Variants in KHDRBS2 observed in about 807,000 individuals in gnomAD.
KHDRBS2 encodes the protein KH RNA binding domain containing, signal transduction associated 2.
In KHDRBS2, 26 loss-of-function variants were observed where a neutral mutation model predicts 44.3. The ratio of observed to expected loss-of-function variants is 0.59; its 90% CI spans 0.43 to 0.81. The LOEUF (loss-of-function observed/expected upper bound fraction) is 0.81, where lower values mean the gene tolerates loss of function less well. Among genes scored for constraint, KHDRBS2 ranks in the 40% least tolerant of loss-of-function variants. KHDRBS2 has a pLI of 0.00. For synonymous variants in KHDRBS2, 194 were observed against 151.1 expected, an observed-to-expected ratio of 1.28 and a Z score of -2.08; for missense variants, 476 against 433.1, an observed-to-expected ratio of 1.10 and a Z score of -0.88.
the KHDRBS2 span, among the ~76,000 whole-genome samples, chr6:61,577,565 A>G: frequency 6.6e-6 from 1 of 152,184 alleles, no homozygotes; most frequent in East Asian, 1.9e-4. Flanking sequence ...ATAGGATGAT[A>G]TGAATATTTT....
At chr6:61,973,296 C>A (rs1771821101) in intron 4 of KHDRBS2, among the ~76,000 whole-genome samples, 1 of 152,056 alleles carries the variant, frequency 6.6e-6, no homozygotes, top group African/African-American at 2.4e-5. Context: ...AATTCTGCTT[C>A]CCTTTTCTAT....
chr6:61,950,601 A>G (rs1516721), intron 4 of KHDRBS2, among the ~76,000 whole-genome samples: 51,987 of 151,768 alleles, frequency 0.34, 9,070 homozygotes, highest in Middle Eastern at 0.41. Flanking sequence ...ATTTATTTCA[A>G]CTATGCTAGT....
chr6:61,697,187 G>T lies in KHDRBS2; in HGVS notation c.952+8C>A, dbSNP rs200008514. 3.8e-6 allele frequency: 6 copies of T among 1,579,452 alleles called. No individual in the cohort carries two copies. The highest frequency in any genetic ancestry group is 1.7e-4 in the Middle Eastern group (1 of 6,000). On this transcript the variant is annotated splice_region_variant and intron_variant, in intron 8 of 8. Coordinates refer to ENST00000281156, the MANE Select transcript of KHDRBS2 (RefSeq NM_152688.4). ...GATTTCACAGTTTTAGTAAAGAAAAGGTCTTACCGTAGCTGTCATAGGCAT... is the reference window on the plus strand; with the variant it reads ...GATTTCACAGTTTTAGTAAAGAAAATGTCTTACCGTAGCTGTCATAGGCAT...
At chr6:62,068,620 T>C (rs79082422) in intron 2 of KHDRBS2, among the ~76,000 whole-genome samples, 1 of 151,614 alleles carries the variant, frequency 6.6e-6, no homozygotes, top group African/African-American at 2.4e-5. Flanking sequence ...AAGAATCATA[T>C]AGTTTTAACT....
chr6:61,630,497 A>G, the KHDRBS2 span: 2 of 152,220 alleles, frequency 1.3e-5, no homozygotes, highest in Non-Finnish European at 2.9e-5. Context: ...TTTGGAGGAA[A>G]GTATCTGCAA....
chr6:62,077,506 G>C (rs1404484833), intron 2 of KHDRBS2, among the ~76,000 whole-genome samples: 1 of 152,022 alleles, frequency 6.6e-6, no homozygotes, highest in Non-Finnish European at 1.5e-5. Context: ...CTGGGATCTT[G>C]AATGAGGCAA....
intron 4 of KHDRBS2, among the ~76,000 whole-genome samples, chr6:61,935,449 G>A (rs1475288944): frequency 6.6e-6 from 1 of 152,096 alleles, no homozygotes; most frequent in Non-Finnish European, 1.5e-5. Context: ...GAAAGCCCAC[G>A]TTATTCTTCA....
At chr6:62,132,087 C>T (rs1227987178) in intron 2 of KHDRBS2, among the ~76,000 whole-genome samples, 2 of 152,096 alleles carry the variant, frequency 1.3e-5, no homozygotes, top group African/African-American at 4.8e-5. Flanking sequence ...AATTTTTTCA[C>T]ATTACTAAGT....
intron 2 of KHDRBS2, among the ~76,000 whole-genome samples, chr6:62,081,425 T>C (rs1229739159): frequency 6.6e-6 from 1 of 152,152 alleles, no homozygotes; most frequent in Non-Finnish European, 1.5e-5. Flanking sequence ...ATTTCTTGAG[T>C]ATTAAAGTTG....
intron 3 of KHDRBS2, among the ~76,000 whole-genome samples, chr6:62,045,459 C>A (rs528558568): frequency 3.3e-5 from 5 of 152,086 alleles, no homozygotes; most frequent in African/African-American, 7.2e-5. Context: ...ACACCACTAA[C>A]CTCTTTTCCC....
At chr6:61,770,335 G>C (rs1362837275) in intron 6 of KHDRBS2, among the ~76,000 whole-genome samples, 1 of 152,176 alleles carries the variant, frequency 6.6e-6, no homozygotes. Context: ...AGCTGGATGG[G>C]GAATGACTTT....
chr6:61,678,348 G>A (rs1582121531), downstream of KHDRBS2, among the ~76,000 whole-genome samples: 2 of 151,914 alleles, frequency 1.3e-5, no homozygotes, highest in Admixed American at 6.6e-5. Flanking sequence ...ATTTTACTCC[G>A]TAACTATCTG....
chr6:61,552,862 T>A, the KHDRBS2 span, among the ~76,000 whole-genome samples: 128 of 152,306 alleles, frequency 8.4e-4, 1 homozygote, highest in Non-Finnish European at 1.6e-3. Context: ...TTGGTCATGG[T>A]GGATTAGCTT....
chr6:61,946,783 A>T (rs1813453304), intron 4 of KHDRBS2, among the ~76,000 whole-genome samples: 1 of 152,154 alleles, frequency 6.6e-6, no homozygotes, highest in Non-Finnish European at 1.5e-5. Flanking sequence ...ACTGCCAAGG[A>T]TGTTGATCTG....
At chr6:62,261,361 G>A (rs1234815571) in intron 1 of KHDRBS2, among the ~76,000 whole-genome samples, 1 of 151,792 alleles carries the variant, frequency 6.6e-6, no homozygotes, top group African/African-American at 2.4e-5. Context: ...ATCATTAGCA[G>A]TGTTTTTAAT....
chr6:62,271,811 C>T (rs953949771), intron 1 of KHDRBS2, among the ~76,000 whole-genome samples: 12 of 151,732 alleles, frequency 7.9e-5, no homozygotes, highest in African/African-American at 2.9e-4. Flanking sequence ...TAGCTAATTG[C>T]AAAAAGTCAA....
intron 2 of KHDRBS2, among the ~76,000 whole-genome samples, chr6:62,144,458 A>C (rs1813509252): frequency 6.6e-6 from 1 of 152,010 alleles, no homozygotes; most frequent in East Asian, 1.9e-4. Context: ...TTCCTCAACA[A>C]ACATTGACAG....
At chr6:62,070,870 G>T (rs1438121020) in intron 2 of KHDRBS2, among the ~76,000 whole-genome samples, 1 of 152,138 alleles carries the variant, frequency 6.6e-6, no homozygotes, top group African/African-American at 2.4e-5. Context: ...TGGGATGGCT[G>T]GGTCAAATGG....
chr6:61,577,687 C>T, the KHDRBS2 span, among the ~76,000 whole-genome samples: 2 of 152,002 alleles, frequency 1.3e-5, no homozygotes, highest in East Asian at 1.9e-4. Context: ...CTGAAATGTT[C>T]TTTATACAAT....
Sources: allele counts gnomAD v4.1 joint callset (sites outside exome capture counted in the v4.1 genomes callset), GRCh38; gene constraint gnomAD v4.1.1; transcripts MANE v1.5; gene names NCBI Gene and HGNC (gene_info 2026-07-23, HGNC 2026-07-21).